The following STIM2 variants were observed in gnomAD, a reference collection of about 807,000 sequenced individuals.
The protein encoded by STIM2 is stromal interaction molecule 2.
A neutral mutation model predicts 85.8 loss-of-function variants in STIM2; 31 were observed. The observed-to-expected ratio is 0.36, with a 90% CI of 0.27 to 0.49. The LOEUF (loss-of-function observed/expected upper bound fraction) is 0.49, where lower values mean the gene tolerates loss of function less well. Among genes scored for constraint, STIM2 ranks in the 20% least tolerant of loss-of-function variants. The pLI, the probability that STIM2 is intolerant of heterozygous loss-of-function variation, is 0.98. For missense variants in STIM2, 841 were observed against 927.6 expected (o/e 0.91, Z 1.21); for synonymous variants, 356 against 331.1 (o/e 1.08, Z -0.82).
intron 1 of STIM2, among the ~76,000 whole-genome samples, chr4:26,917,256 T>G (rs764739729): frequency 8.5e-5 from 13 of 152,190 alleles, no homozygotes; most frequent in Non-Finnish European, 1.9e-4. Context: ...GCTTTTCACT[T>G]TCCCCTTAAA....
intron 3 of STIM2, among the ~76,000 whole-genome samples, chr4:26,959,300 C>T (rs1726365456): frequency 6.6e-6 from 1 of 152,148 alleles, no homozygotes; most frequent in Non-Finnish European, 1.5e-5. Flanking sequence ...TCAACAAATG[C>T]AGGAATGCAC....
intron 1 of STIM2, among the ~76,000 whole-genome samples, chr4:26,882,453 C>CTTTCT (rs1267838359): frequency 9.7e-5 from 14 of 143,924 alleles, no homozygotes; most frequent in African/African-American, 2.2e-4. Flanking sequence ...TTCTTTCTTT[C>CTTTCT]TTTTTTTTTG....
chr4:26,892,143 A>G (rs552774053), intron 1 of STIM2, among the ~76,000 whole-genome samples: 1 of 152,380 alleles, frequency 6.6e-6, no homozygotes, highest in African/African-American at 2.4e-5. Context: ...CTGTAAGTCC[A>G]GTAAACCTCT....
chr4:26,864,027 A>T (rs1244976853), intron 1 of STIM2, among the ~76,000 whole-genome samples: 1 of 152,130 alleles, frequency 6.6e-6, no homozygotes, highest in African/African-American at 2.4e-5. Context: ...CTTTAAGAGT[A>T]AATTGCCTTT....
intron 3 of STIM2, among the ~76,000 whole-genome samples, chr4:26,992,840 G>T (rs1204615822): frequency 6.6e-6 from 1 of 152,044 alleles, no homozygotes; most frequent in South Asian, 2.1e-4. Flanking sequence ...AAGGAGAAGT[G>T]AATCTCCCCC....
chr4:26,941,200 C>T (rs1203300606), intron 2 of STIM2, among the ~76,000 whole-genome samples: 1 of 152,044 alleles, frequency 6.6e-6, no homozygotes, highest in African/African-American at 2.4e-5. Flanking sequence ...GGATTTCGTT[C>T]AGTCTCTTGT....
At chr4:26,915,246 A>T (rs1724492036) in intron 1 of STIM2, among the ~76,000 whole-genome samples, 1 of 151,962 alleles carries the variant, frequency 6.6e-6, no homozygotes, top group South Asian at 2.1e-4. Flanking sequence ...ATTTATATAT[A>T]TTTTTTGAGA....
At chr4:26,875,936 T>A (rs886189081) in intron 1 of STIM2, among the ~76,000 whole-genome samples, 6 of 152,176 alleles carry the variant, frequency 3.9e-5, no homozygotes, top group African/African-American at 1.4e-4. Context: ...CCTTTTATTA[T>A]TAGGAAGAGT....
At chr4:26,928,706 A>G (rs1725085205) in intron 2 of STIM2, among the ~76,000 whole-genome samples, 1 of 152,060 alleles carries the variant, frequency 6.6e-6, no homozygotes, top group Admixed American at 6.6e-5. Context: ...TGTTATCACC[A>G]CTCTGCAAAA....
Position 26,996,558 on chromosome 4 carries a change from A to G in STIM2, c.509+1068A>G, listed in dbSNP as rs546430221. Among the ~76,000 whole-genome samples, 29 of 152,238 alleles carry G rather than the reference A, an allele frequency of 1.9e-4. No homozygotes were observed. The East Asian group carries it at 3.1e-3, about 16-fold the overall frequency. ...AATCTGTTTTAAATGTATTCTGAAC[A>G]TCAACATTAGTATTTCTGATTTTAT... is the stretch of plus-strand genomic sequence containing the variant. On this transcript the variant is annotated intron_variant, in intron 4 of 11. Coordinates refer to ENST00000467087, the MANE Select transcript of STIM2 (RefSeq NM_020860.4).
chr4:26,920,554 A>G (rs1033444386), intron 2 of STIM2, among the ~76,000 whole-genome samples: 1 of 152,118 alleles, frequency 6.6e-6, no homozygotes, highest in Admixed American at 6.5e-5. Flanking sequence ...TCTCTTTCAG[A>G]TTATATTATA....
intron 2 of STIM2, among the ~76,000 whole-genome samples, chr4:26,937,888 C>A (rs1284206783): frequency 6.6e-6 from 1 of 152,162 alleles, no homozygotes; most frequent in Admixed American, 6.6e-5. Context: ...GTTTATCAGT[C>A]TGAGTCTTTT....
At chr4:26,994,441 C>T (rs544186908) in intron 3 of STIM2, among the ~76,000 whole-genome samples, 7 of 151,918 alleles carry the variant, frequency 4.6e-5, no homozygotes, top group African/African-American at 1.7e-4. Flanking sequence ...TTGTTGTCAT[C>T]TTATCTACTA....
Position 26,860,875 on chromosome 4 carries a change from C to T in STIM2, c.-344C>T. 1 of 903,622 alleles carries T rather than the reference C, an allele frequency of 1.1e-6. No homozygotes were observed. The highest frequency in any genetic ancestry group is 1.2e-4 in the East Asian group (1 of 8,660). 56.0% of individuals were successfully genotyped at this position (903,622 alleles called of 1,614,324 possible). A position where few individuals can be genotyped will look rare whatever the true frequency, so the allele number is the denominator to read the frequency against. ...GATCCCGGTCTCGCCGCAGCAGCAG[C>T]GCGGGTGTCGTGCACCGCCTGAAGA... On this transcript the variant is annotated 5_prime_UTR_variant, in exon 1 of 12. Transcript: ENST00000467087.
chr4:26,976,402 T>TA, intron 3 of STIM2, among the ~76,000 whole-genome samples: 1 of 150,210 alleles, frequency 6.7e-6, no homozygotes, highest in East Asian at 2.0e-4. Flanking sequence ...TTTTTTTTTT[T>TA]AGTGGCAAGA....
intron 2 of STIM2, among the ~76,000 whole-genome samples, chr4:26,929,373 G>T (rs1398347242): frequency 6.6e-6 from 1 of 151,974 alleles, no homozygotes; most frequent in African/African-American, 2.4e-5. Context: ...ATTTTGGTTT[G>T]TATTTCTTGT....
chr4:26,932,894 T>TC (rs1483252121), intron 2 of STIM2, among the ~76,000 whole-genome samples: 5 of 152,220 alleles, frequency 3.3e-5, no homozygotes, highest in African/African-American at 1.2e-4. Context: ...AGGCATCTGG[T>TC]CATTTCATGG....
intron 3 of STIM2, among the ~76,000 whole-genome samples, chr4:26,992,265 A>T (rs1727794913): frequency 1.3e-5 from 2 of 152,186 alleles, no homozygotes; most frequent in African/African-American, 4.8e-5. Context: ...ACAGCATCCA[A>T]CAAATAATTT....
At chr4:26,954,264 G>A (rs546247880) in intron 2 of STIM2, among the ~76,000 whole-genome samples, 3 of 152,248 alleles carry the variant, frequency 2.0e-5, no homozygotes, top group African/African-American at 7.2e-5. Flanking sequence ...AGTGGTACTA[G>A]AAGAGTTTAT....
Sources: gnomAD v4.1 joint callset for allele counts (sites outside exome capture counted in the v4.1 genomes callset) on GRCh38, gnomAD v4.1.1 for gene constraint, MANE v1.5 for transcripts, NCBI Gene and HGNC (gene_info 2026-07-23, HGNC 2026-07-21) for gene names.